The following AGPS variants were observed in gnomAD, a reference collection of about 807,000 sequenced individuals.
The protein encoded by AGPS is alkyldihydroxyacetonephosphate synthase, peroxisomal.
A neutral mutation model predicts 90.7 loss-of-function variants in AGPS; 26 were observed. The ratio of observed to expected loss-of-function variants is 0.29; its 90% CI spans 0.21 to 0.40. AGPS has a LOEUF of 0.40. AGPS is among the 10% of genes least tolerant of loss of function. The probability of loss-of-function intolerance (pLI) is 1.00; values close to 1 mark genes in which losing one functional copy is unlikely to be tolerated. For synonymous variants in AGPS, 294 were observed against 285.3 expected (o/e 1.03, Z -0.31); for missense variants, 540 against 816.1 (o/e 0.66, Z 4.12).
At chr2:177,524,187 A>G (rs935941450) in intron 19 of AGPS, among the ~76,000 whole-genome samples, 1 of 152,234 alleles carries the variant, frequency 6.6e-6, no homozygotes, top group African/African-American at 2.4e-5. Context: ...GTCATCAGTT[A>G]TATAATATAT....
chr2:177,452,456 G>C (rs1342684585), intron 8 of AGPS, among the ~76,000 whole-genome samples: 3 of 152,116 alleles, frequency 2.0e-5, no homozygotes, highest in Admixed American at 6.5e-5. Context: ...AACATGCTTT[G>C]CTCTGAAATC....
At chr2:177,457,531 A>G (rs998038965) in intron 8 of AGPS, among the ~76,000 whole-genome samples, 2 of 152,214 alleles carry the variant, frequency 1.3e-5, no homozygotes, top group African/African-American at 4.8e-5. Flanking sequence ...AATACAAACT[A>G]CCATCAGAGA....
chr2:177,522,815 C>T (rs1689239218), intron 18 of AGPS, among the ~76,000 whole-genome samples: 1 of 152,178 alleles, frequency 6.6e-6, no homozygotes, highest in Admixed American at 6.5e-5. Flanking sequence ...TGGGCCCTCT[C>T]CTACCCTGGC....
At chr2:177,461,734 T>A (rs1687298010) in intron 8 of AGPS, among the ~76,000 whole-genome samples, 159 bp from the exon 9 acceptor site, 1 of 151,194 alleles carries the variant, frequency 6.6e-6, no homozygotes, top group Non-Finnish European at 1.5e-5. Flanking sequence ...TTAGGACTAG[T>A]GTGATAAAAG....
At chr2:177,493,040 A>G in intron 11 of AGPS, 108 bp from the exon 12 acceptor site, 2 of 991,546 alleles carry the variant, frequency 2.0e-6, no homozygotes. Context: ...AATCCTTAGG[A>G]ACTAAGCTCT....
intron 19 of AGPS, among the ~76,000 whole-genome samples, chr2:177,535,360 C>T (rs1036594087): frequency 2.6e-5 from 4 of 152,118 alleles, no homozygotes; most frequent in Non-Finnish European, 5.9e-5. Context: ...TGAAAATGAG[C>T]TTTACAGGTG....
rs1307112486 is a variant in AGPS at position 177,523,820 on chromosome 2, G to C, written c.1855+15G>C. 3.1e-6 allele frequency: 5 copies of C among 1,604,922 alleles called. No homozygotes were observed. The highest frequency in any genetic ancestry group is 4.3e-6 in the Non-Finnish European group (5 of 1,171,760). ...TCACCATGGAGGTATTCTTTTTTGG[G>C]AGTAGAATTTCTAATATTCTTACTT... On this transcript the variant is annotated intron_variant, in intron 19 of 19. Coordinates refer to ENST00000264167, the MANE Select transcript of AGPS (RefSeq NM_003659.4).
At chr2:177,531,898 C>A (rs1480536216) in intron 19 of AGPS, among the ~76,000 whole-genome samples, 1 of 150,372 alleles carries the variant, frequency 6.7e-6, no homozygotes, top group Non-Finnish European at 1.5e-5. Context: ...GGAAGCATAG[C>A]TTTTTCAACA....
At position 177,461,816 on chromosome 2, in the gene AGPS, T is replaced by C. The variant is rs1315479145; in HGVS notation, c.871-77T>C. ...TATCAATGACATGGAAATTTTAAAG[T>C]GGGAGGAGTTAATGTGTTGAGTGCT... is the stretch of plus-strand genomic sequence containing the variant. On this transcript the variant is annotated intron_variant, in intron 8 of 19. Transcript: ENST00000264167. 10 of 1,294,700 alleles carry C rather than the reference T, an allele frequency of 7.7e-6. No homozygotes were observed. In the Admixed American group the frequency reaches 1.6e-4, roughly 21 times the overall value. The allele number at this position is 1,294,700 out of a possible 1,614,324, so 80.2% of individuals were successfully genotyped here.
chr2:177,446,961 C>G (rs1270393464), intron 8 of AGPS, among the ~76,000 whole-genome samples: 4 of 152,106 alleles, frequency 2.6e-5, no homozygotes, highest in Non-Finnish European at 5.9e-5. Context: ...AGGTTTCTTT[C>G]ATAGATTCTA....
At chr2:177,466,590 C>T (rs542988096) in intron 9 of AGPS, among the ~76,000 whole-genome samples, 29 of 152,358 alleles carry the variant, frequency 1.9e-4, no homozygotes, top group African/African-American at 6.7e-4. Context: ...TGCCCTCAGC[C>T]AGCACTTATC....
chr2:177,515,003 G>T (rs1056839148), intron 17 of AGPS, among the ~76,000 whole-genome samples: 2 of 150,656 alleles, frequency 1.3e-5, no homozygotes, highest in Non-Finnish European at 3.0e-5. Context: ...GATTATAAAA[G>T]CTGAAAAAGT....
chr2:177,409,527 T>C (rs1685559795), intron 1 of AGPS, among the ~76,000 whole-genome samples: 1 of 152,094 alleles, frequency 6.6e-6, no homozygotes, highest in Admixed American at 6.5e-5. Flanking sequence ...CAGCTGGGTT[T>C]AGGAATTCTT....
intron 1 of AGPS, among the ~76,000 whole-genome samples, chr2:177,412,410 G>C (rs1221440016): frequency 6.6e-6 from 1 of 152,174 alleles, no homozygotes; most frequent in Non-Finnish European, 1.5e-5. Context: ...CAGGAAAATT[G>C]AAAGCGCAAG....
chr2:177,434,197 A>G, intron 2 of AGPS, 130 bp from the exon 3 acceptor site: 1 of 680,464 alleles, frequency 1.5e-6, no homozygotes, highest in Non-Finnish European at 2.5e-6. Context: ...GTTTTCGTTC[A>G]GAGTTTATAG....
In AGPS at chr2:177,405,668, C is replaced by A. The variant is rs1685447322; in HGVS notation, c.260+12619C>A. 2.0e-5 allele frequency among the ~76,000 whole-genome samples: 2 copies of A among 101,536 alleles called. 1 individual carries two copies. The highest frequency in any genetic ancestry group is 3.7e-5 in the Non-Finnish European group (2 of 54,234). The allele number at this position is 101,536 out of a possible 152,430, so 66.6% of individuals were successfully genotyped here. The stretch of plus-strand genomic sequence containing the variant: ...TTAGCTTCCATGTTATTGCACTATT[C>A]TGTTGTTTTTTTTTTTTTTTCCCAC... On this transcript the variant is annotated intron_variant, in intron 1 of 19. Transcript: ENST00000264167.
chr2:177,487,210 A>T (rs140132684), intron 11 of AGPS, among the ~76,000 whole-genome samples: 1 of 152,142 alleles, frequency 6.6e-6, no homozygotes, highest in Non-Finnish European at 1.5e-5. Context: ...TTTGTTTTCA[A>T]TAAAAACTTA....
intron 9 of AGPS, among the ~76,000 whole-genome samples, chr2:177,463,484 C>T (rs1307911164): frequency 6.6e-6 from 1 of 152,082 alleles, no homozygotes; most frequent in Non-Finnish European, 1.5e-5. Context: ...ATTCCTGGAG[C>T]TATTTAGCTT....
rs1559091593 is a variant in AGPS at position 177,542,092 on chromosome 2, T to G, written c.*3897T>G. 6.6e-6 allele frequency: 1 copy of G among 151,864 alleles called. No individual in the cohort carries two copies. Among genetic ancestry groups the G allele is most frequent in the Non-Finnish European group, 1.5e-5 (1 of 67,826 alleles). 9.4% of individuals were successfully genotyped at this position (151,864 alleles called of 1,614,324 possible). A position where few individuals can be genotyped will look rare whatever the true frequency, so the allele number is the denominator to read the frequency against. ...AGCTGTTTATTCTTTTATTTGCATA[T>G]GAGTTTTTCTTTTAGTTTTAGTTTT... is the stretch of plus-strand genomic sequence containing the variant. On this transcript the variant is annotated 3_prime_UTR_variant, in exon 20 of 20. Transcript: ENST00000264167.
Sources: allele counts gnomAD v4.1 joint callset (sites outside exome capture counted in the v4.1 genomes callset), GRCh38; gene constraint gnomAD v4.1.1; transcripts MANE v1.5; gene names NCBI Gene and HGNC (gene_info 2026-07-23, HGNC 2026-07-21).